The following FRMPD2 variants were observed in gnomAD, a reference collection of about 807,000 sequenced individuals.
FRMPD2 encodes FERM and PDZ domain containing 2, also known as FERM and PDZ domain-containing protein 2.
Under a neutral mutation model 140.1 loss-of-function variants are expected in FRMPD2, and 96 were observed. The observed-to-expected ratio is 0.69, with a 90% CI of 0.58 to 0.81. FRMPD2 has a LOEUF of 0.81. Among genes scored for constraint, FRMPD2 ranks in the 40% least tolerant of loss-of-function variants. The pLI is 0.00. For synonymous variants in FRMPD2, 449 were observed against 547.6 expected, an observed-to-expected ratio of 0.82 and a Z score of 2.52; for missense variants, 1,240 against 1,447.4, an observed-to-expected ratio of 0.86 and a Z score of 2.32.
chr10:48,196,429 G>T (rs1324300052), intron 15 of FRMPD2, among the ~76,000 whole-genome samples: 2 of 152,186 alleles, frequency 1.3e-5, no homozygotes, highest in Non-Finnish European at 2.9e-5. Context: ...ATTATGTGAC[G>T]TGCCTCCATT....
chr10:48,201,681 C>G (rs1012428421), intron 14 of FRMPD2: 8 of 206,198 alleles, frequency 3.9e-5, no homozygotes, highest in African/African-American at 1.9e-4. Context: ...TCAGCAAGGA[C>G]GGAACCTAAC....
chr10:48,239,335 T>A (rs1417085155), intron 7 of FRMPD2, among the ~76,000 whole-genome samples: 1 of 152,222 alleles, frequency 6.6e-6, no homozygotes, highest in African/African-American at 2.4e-5. Context: ...GCAACAATAT[T>A]GAGGCATGTT....
chr10:48,247,576 G>C (rs960852298), intron 3 of FRMPD2, among the ~76,000 whole-genome samples: 4 of 152,216 alleles, frequency 2.6e-5, no homozygotes, highest in African/African-American at 9.6e-5. Flanking sequence ...GGCTTGCACA[G>C]CACAAAGCCA....
intron 7 of FRMPD2, 71 bp from the exon 8 acceptor site, chr10:48,238,194 G>A (rs968736793): frequency 1.6e-5 from 24 of 1,526,472 alleles, no homozygotes; most frequent in South Asian, 5.8e-5. Context: ...AAGACCACCC[G>A]CACAGGGGCT....
At chr10:48,223,293 G>A in intron 10 of FRMPD2, 23 bp from the exon 11 acceptor site, 2 of 1,604,000 alleles carry the variant, frequency 1.2e-6, no homozygotes, top group Non-Finnish European at 1.7e-6. Flanking sequence ...TAGAGCATGT[G>A]TGGAAGGAGA....
At chr10:48,250,042 A>G (rs1840338478) in intron 2 of FRMPD2, among the ~76,000 whole-genome samples, 1 of 152,160 alleles carries the variant, frequency 6.6e-6, no homozygotes, top group Non-Finnish European at 1.5e-5. Flanking sequence ...TGGCCACCTC[A>G]AGGCCGGAAC....
intron 1 of FRMPD2, chr10:48,251,895 G>A (rs1163953446): frequency 1.8e-6 from 1 of 552,994 alleles, no homozygotes; most frequent in African/African-American, 1.9e-5. Context: ...GGACTGACCA[G>A]GTTGGCTGGT....
intron 20 of FRMPD2, among the ~76,000 whole-genome samples, chr10:48,183,941 A>G (rs901315516): frequency 1.3e-5 from 2 of 152,030 alleles, no homozygotes; most frequent in Non-Finnish European, 2.9e-5. Flanking sequence ...AGAGGGGAAC[A>G]ACACACACCA....
At chr10:48,251,752 G>A (rs376253781) in intron 1 of FRMPD2, 61 bp from the exon 2 acceptor site, 259 of 1,593,218 alleles carry the variant, frequency 1.6e-4, no homozygotes, top group Non-Finnish European at 2.1e-4. Flanking sequence ...GTCCGGGCCC[G>A]TACTCGCCAC....
In FRMPD2 at chr10:48,212,120, G is replaced by C; in HGVS notation, c.1456-11C>G. The C allele has an allele frequency of 6.2e-7, 1 of 1,613,708 alleles. No individual in the cohort carries two copies. The highest frequency in any genetic ancestry group is 8.5e-7 in the Non-Finnish European group (1 of 1,179,734). On this transcript the variant is annotated splice_polypyrimidine_tract_variant and intron_variant, in intron 12 of 28. Transcript: ENST00000374201. ...CTTACTCTCCACCTGCTGGAAGTAA[G>C]ATGTAGAAGGGAAGGGCACAATCCA...
intron 12 of FRMPD2, among the ~76,000 whole-genome samples, chr10:48,217,236 G>A (rs186901251): frequency 1.5e-3 from 226 of 152,286 alleles, no homozygotes; most frequent in African/African-American, 5.1e-3. Context: ...AACTCCCTGC[G>A]CTTCAAGTAC....
intron 10 of FRMPD2, 121 bp from the exon 11 acceptor site, chr10:48,223,391 G>A: frequency 1.1e-6 from 1 of 913,200 alleles, no homozygotes; most frequent in South Asian, 2.4e-5. Flanking sequence ...GCAGGAGTGG[G>A]AGGTAAGTCT....
chr10:48,201,108 T>C (rs991097330), intron 15 of FRMPD2, 120 bp downstream of exon 15: 13 of 637,844 alleles, frequency 2.0e-5, no homozygotes, highest in Non-Finnish European at 3.1e-5. Context: ...TTTCTGTCAT[T>C]ATTAGAGAGA....
In FRMPD2 at chr10:48,162,873, C is replaced by G. The variant is rs1271867003; in HGVS notation, c.3881+455G>C. ...CTGAGGTGGGAGGATCACTTGAGCC[C>G]AGGATTTTGAATTCAGCCTGGGCAA... is the stretch of plus-strand genomic sequence containing the variant. On this transcript the variant is annotated intron_variant, in intron 28 of 28. Coordinates refer to ENST00000374201, the MANE Select transcript of FRMPD2 (RefSeq NM_001018071.4). Among the ~76,000 whole-genome samples, 650 of 130,328 alleles carry G rather than the reference C, an allele frequency of 5.0e-3. 5 individuals are homozygous for G. The highest frequency in any genetic ancestry group is 0.018 in the African/African-American group (593 of 32,396). 85.5% of individuals were successfully genotyped at this position (130,328 alleles called of 152,430 possible). A position where few individuals can be genotyped will look rare whatever the true frequency, so the allele number is the denominator to read the frequency against.
At chr10:48,174,329 G>C (rs1336554735) in intron 24 of FRMPD2, among the ~76,000 whole-genome samples, 1 of 138,830 alleles carries the variant, frequency 7.2e-6, no homozygotes. Flanking sequence ...AGGGAATAAA[G>C]GGGACATAAA....
At chr10:48,254,208 G>T (rs968487536) in intron 1 of FRMPD2, among the ~76,000 whole-genome samples, 30 of 152,208 alleles carry the variant, frequency 2.0e-4, no homozygotes, top group African/African-American at 7.2e-4. Flanking sequence ...TGTCCGCAGT[G>T]GCAAGTTGGT....
intron 10 of FRMPD2, among the ~76,000 whole-genome samples, chr10:48,224,727 T>C (rs1196904094): frequency 6.6e-6 from 1 of 152,120 alleles, no homozygotes; most frequent in Non-Finnish European, 1.5e-5. Flanking sequence ...TGTAAAATTG[T>C]CCATGTGGGA....
At chr10:48,231,509 A>C (rs1839846348) in intron 10 of FRMPD2, among the ~76,000 whole-genome samples, 1 of 152,238 alleles carries the variant, frequency 6.6e-6, no homozygotes, top group East Asian at 1.9e-4. Flanking sequence ...AACAACTCAC[A>C]TGTACTTCTC....
intron 22 of FRMPD2, chr10:48,177,212 A>C (rs1163604630): frequency 6.7e-6 from 1 of 148,782 alleles, no homozygotes; most frequent in Non-Finnish European, 1.5e-5. Context: ...GGTTCACGCC[A>C]TTCTCCTGCC....
Sources: gnomAD v4.1 joint callset for allele counts (sites outside exome capture counted in the v4.1 genomes callset) on GRCh38, gnomAD v4.1.1 for gene constraint, MANE v1.5 for transcripts, NCBI Gene and HGNC (gene_info 2026-07-23, HGNC 2026-07-21) for gene names.